The following COL25A1 variants were observed in gnomAD, a reference collection of about 807,000 sequenced individuals.
The protein encoded by COL25A1 is collagen type XXV alpha 1 chain.
COL25A1 carries 103 observed loss-of-function variants against 128.4 expected under a neutral mutation model. That is an observed-to-expected ratio of 0.80 (90% CI 0.68 to 0.94). COL25A1 has a LOEUF of 0.94. Ranked by LOEUF, COL25A1 falls within the 40% of genes least tolerant of loss-of-function variation. COL25A1 has a pLI of 0.00. For synonymous variants in COL25A1, 279 were observed against 277.2 expected (o/e 1.01, Z -0.06); for missense variants, 745 against 840.0 (o/e 0.89, Z 1.40).
intron 3 of COL25A1, among the ~76,000 whole-genome samples, chr4:109,196,032 T>C (rs1412491577): frequency 6.6e-6 from 1 of 152,230 alleles, no homozygotes; most frequent in Admixed American, 6.5e-5. Context: ...GCGAAGAAGG[T>C]AATTGACCAA....
chr4:109,212,417 A>T (rs1253248241), intron 3 of COL25A1, among the ~76,000 whole-genome samples: 1 of 152,202 alleles, frequency 6.6e-6, no homozygotes, highest in East Asian at 1.9e-4. Flanking sequence ...ATAGAGGCTG[A>T]GTTCCAAAAG....
chr4:109,037,350 A>C (rs1177200728), intron 5 of COL25A1, among the ~76,000 whole-genome samples: 1 of 152,026 alleles, frequency 6.6e-6, no homozygotes, highest in East Asian at 1.9e-4. Flanking sequence ...CTCTTCCTCC[A>C]CAGAACACAG....
chr4:108,985,215 T>C (rs1180835194), intron 6 of COL25A1, among the ~76,000 whole-genome samples: 1 of 152,112 alleles, frequency 6.6e-6, no homozygotes, highest in African/African-American at 2.4e-5. Context: ...CTCTGTGGAG[T>C]GAAGAACACT....
At position 108,808,804 on chromosome 4, in the gene COL25A1, T is replaced by G. The variant is rs1168643835; in HGVS notation, c.*5123A>C. On this transcript the variant is annotated 3_prime_UTR_variant, in exon 38 of 38. Coordinates refer to ENST00000399132, the MANE Select transcript of COL25A1 (RefSeq NM_198721.4). ...GATTAATATTGTAATAATTACACAC[T>G]TTTTACATTATGAAAATAAGTCATA... is the stretch of plus-strand genomic sequence containing the variant. 1 of 152,180 alleles carries G rather than the reference T, an allele frequency of 6.6e-6. No homozygotes were observed. Among genetic ancestry groups the G allele is most frequent in the Non-Finnish European group, 1.5e-5 (1 of 68,034 alleles). The allele number at this position is 152,180 out of a possible 1,614,324, so 9.4% of individuals were successfully genotyped here.
chr4:108,915,704 A>T (rs1744800736), intron 13 of COL25A1, among the ~76,000 whole-genome samples: 1 of 152,134 alleles, frequency 6.6e-6, no homozygotes, highest in South Asian at 2.1e-4. Context: ...ATTATTTGCC[A>T]TATTTCTGAT....
In COL25A1 at chr4:108,943,063, T is replaced by C. The variant is rs1436440648; in HGVS notation, c.493-1626A>G. On this transcript the variant is annotated intron_variant, in intron 8 of 37. Transcript: ENST00000399132. ...GAACCACCATGCCCAGTCAAACCAATAATTTCTTAAAGCATGGAATAGGGA... is the reference window on the plus strand; with the variant it reads ...GAACCACCATGCCCAGTCAAACCAACAATTTCTTAAAGCATGGAATAGGGA... Among the ~76,000 whole-genome samples the C allele has an allele frequency of 2.6e-5, 4 of 152,122 alleles. No homozygotes were observed. In the East Asian group the frequency reaches 7.7e-4, roughly 29 times the overall value.
chr4:108,962,680 G>A lies in COL25A1; in HGVS notation c.492+11687C>T, dbSNP rs75928521. Among the ~76,000 whole-genome samples the A allele has an allele frequency of 8.4e-4, 128 of 152,146 alleles. 2 individuals are homozygous for A. The East Asian group carries it at 0.024, about 28-fold the overall frequency. ...CTTATAAAGCATGATAAGAATGCCC[G>A]GAAGTTCTTGGTACGTGGAACTGTA... On this transcript the variant is annotated intron_variant, in intron 8 of 37. Transcript: ENST00000399132.
chr4:109,286,838 A>G (rs1041886660), intron 3 of COL25A1, among the ~76,000 whole-genome samples: 2 of 152,206 alleles, frequency 1.3e-5, no homozygotes, highest in Non-Finnish European at 2.9e-5. Flanking sequence ...AGTCTAACCA[A>G]GACCCAGAGA....
At chr4:109,010,436 C>CT in intron 5 of COL25A1, 61 bp from the exon 6 acceptor site, 1 of 1,159,890 alleles carries the variant, frequency 8.6e-7, no homozygotes, top group Non-Finnish European at 1.2e-6. Context: ...AATATTTTCA[C>CT]TACCAAAACT....
chr4:108,903,343 T>C (rs1743082888), intron 13 of COL25A1, among the ~76,000 whole-genome samples: 2 of 152,010 alleles, frequency 1.3e-5, no homozygotes, highest in South Asian at 2.1e-4. Context: ...TTACATAGTT[T>C]CAAGCAATTG....
chr4:108,987,428 T>G (rs140464533), intron 6 of COL25A1, among the ~76,000 whole-genome samples: 1,751 of 151,602 alleles, frequency 0.012, 38 homozygotes, highest in African/African-American at 0.04. Context: ...CAGGCTGGAG[T>G]GCAGTGGCAT....
intron 3 of COL25A1, among the ~76,000 whole-genome samples, chr4:109,272,116 G>A (rs1368062485): frequency 6.6e-6 from 1 of 151,942 alleles, no homozygotes; most frequent in African/African-American, 2.4e-5. Context: ...TGTACCTGTA[G>A]TTCCTGCTAC....
intron 3 of COL25A1, among the ~76,000 whole-genome samples, chr4:109,124,808 A>G (rs1768430396): frequency 6.6e-6 from 1 of 152,008 alleles, no homozygotes; most frequent in Non-Finnish European, 1.5e-5. Flanking sequence ...AAAAAATCAC[A>G]CATTTACCTT....
At chr4:108,815,008 T>C (rs956676670) in intron 37 of COL25A1, among the ~76,000 whole-genome samples, 1 of 152,194 alleles carries the variant, frequency 6.6e-6, no homozygotes, top group African/African-American at 2.4e-5. Context: ...CACTCAATAT[T>C]CTTGCCTGTC....
At chr4:108,873,215 A>G (rs1417533164) in intron 19 of COL25A1, among the ~76,000 whole-genome samples, 5 of 152,164 alleles carry the variant, frequency 3.3e-5, no homozygotes, top group Non-Finnish European at 7.3e-5. Context: ...CAATGCAGAA[A>G]TAACACAAGA....
intron 6 of COL25A1, among the ~76,000 whole-genome samples, chr4:108,981,489 ATT>A (rs1752966363): frequency 1.3e-5 from 2 of 152,184 alleles, no homozygotes; most frequent in African/African-American, 4.8e-5. Context: ...GTATAGATAA[ATT>A]GTGTGTGTGG....
rs74958706 is a variant in COL25A1, at chr4:109,202,196, T to C, written c.367+98387A>G. 0.011 allele frequency among the ~76,000 whole-genome samples: 1,627 copies of C among 152,216 alleles called. 59 individuals carry two copies. In the South Asian group the frequency reaches 0.14, roughly 13 times the overall value. ...ATGAAGAACAAAATCAGAGGACTGA[T>C]GCTACCCGACTTCAAAACTTACTAT... On this transcript the variant is annotated intron_variant, in intron 3 of 37. Coordinates refer to ENST00000399132, the MANE Select transcript of COL25A1 (RefSeq NM_198721.4).
chr4:109,000,777 T>G, intron 6 of COL25A1, among the ~76,000 whole-genome samples: 1 of 111,074 alleles, frequency 9.0e-6, no homozygotes, highest in Admixed American at 9.4e-5. Flanking sequence ...AAGAAAAAAC[T>G]ATACACATAA....
intron 11 of COL25A1, among the ~76,000 whole-genome samples, chr4:108,922,644 A>T (rs2125902734): frequency 6.6e-6 from 1 of 152,324 alleles, no homozygotes; most frequent in Non-Finnish European, 1.5e-5. Flanking sequence ...ATTTAGAATG[A>T]CTAATCACAA....
Sources: allele counts gnomAD v4.1 joint callset (sites outside exome capture counted in the v4.1 genomes callset), GRCh38; gene constraint gnomAD v4.1.1; transcripts MANE v1.5; gene names NCBI Gene and HGNC (gene_info 2026-07-23, HGNC 2026-07-21).